ADGRB3: variants seen among roughly 807,000 people sequenced by gnomAD.
ADGRB3 encodes adhesion G protein-coupled receptor B3.
A neutral mutation model predicts 193.4 loss-of-function variants in ADGRB3; 37 were observed. The ratio of observed to expected loss-of-function variants is 0.19; its 90% CI spans 0.15 to 0.25. The LOEUF (loss-of-function observed/expected upper bound fraction) is 0.25, where lower values mean the gene tolerates loss of function less well. ADGRB3 is among the 10% of genes least tolerant of loss of function. ADGRB3 has a pLI of 1.00. For synonymous variants in ADGRB3, 690 were observed against 644.2 expected, an observed-to-expected ratio of 1.07 and a Z score of -1.08; for missense variants, 1,637 against 1,852.9, an observed-to-expected ratio of 0.88 and a Z score of 2.14.
At chr6:69,151,426 C>T (rs758591754) in intron 17 of ADGRB3, among the ~76,000 whole-genome samples, 1 of 152,140 alleles carries the variant, frequency 6.6e-6, no homozygotes, top group Non-Finnish European at 1.5e-5. Flanking sequence ...TCCCCCATCC[C>T]CAAGCATACA....
At chr6:69,230,457 A>T (rs559650764) in intron 17 of ADGRB3, among the ~76,000 whole-genome samples, 1 of 152,322 alleles carries the variant, frequency 6.6e-6, no homozygotes, top group East Asian at 1.9e-4. Flanking sequence ...GCCACATATC[A>T]ATTTGCTTTA....
chr6:69,004,813 G>C (rs1582387264), intron 11 of ADGRB3, among the ~76,000 whole-genome samples: 1 of 152,238 alleles, frequency 6.6e-6, no homozygotes, highest in East Asian at 1.9e-4. Context: ...GTTGGGGGGT[G>C]CTGAGATATA....
At chr6:69,317,178 C>T (rs7744063) in intron 20 of ADGRB3, among the ~76,000 whole-genome samples, 67,776 of 151,154 alleles carry the variant, frequency 0.45, 17,267 homozygotes, top group African/African-American at 0.69. Context: ...AAAAATTTAT[C>T]ACTCTCTCTG....
chr6:69,078,834 G>T (rs576362796), intron 17 of ADGRB3, among the ~76,000 whole-genome samples: 8 of 152,106 alleles, frequency 5.3e-5, no homozygotes, highest in African/African-American at 1.4e-4. Flanking sequence ...CACCATAAAA[G>T]AAATACTTTG....
In ADGRB3 at chr6:69,306,031, A is replaced by C. The variant is rs116878589; in HGVS notation, c.2815-18841A>C. Among the ~76,000 whole-genome samples, 19 of 151,656 alleles carry C rather than the reference A, an allele frequency of 1.3e-4. No homozygotes were observed. The East Asian group carries it at 3.7e-3, about 30-fold the overall frequency. On this transcript the variant is annotated intron_variant, in intron 20 of 31. Coordinates refer to ENST00000370598, the MANE Select transcript of ADGRB3 (RefSeq NM_001704.3). ...ATTTAAAGTACATGGAAGGATGTGCATAGATTATATGCAAATACTATGCCA... is the reference window on the plus strand; with the variant it reads ...ATTTAAAGTACATGGAAGGATGTGCCTAGATTATATGCAAATACTATGCCA...
intron 16 of ADGRB3, among the ~76,000 whole-genome samples, chr6:69,069,192 G>C (rs1771998272): frequency 6.6e-6 from 1 of 152,000 alleles, no homozygotes; most frequent in African/African-American, 2.4e-5. Flanking sequence ...AGAACATATT[G>C]GAGAAGAACA....
chr6:69,043,681 T>C (rs1771153428), intron 13 of ADGRB3, among the ~76,000 whole-genome samples: 2 of 152,250 alleles, frequency 1.3e-5, no homozygotes, highest in South Asian at 2.1e-4. Flanking sequence ...TCTCAGCTCT[T>C]GATAGTAACA....
intron 17 of ADGRB3, among the ~76,000 whole-genome samples, chr6:69,211,447 C>A (rs1174556150): frequency 7.9e-5 from 12 of 151,852 alleles, no homozygotes; most frequent in Non-Finnish European, 5.9e-5. Context: ...TGTTTGTTTG[C>A]GTGTGTGTGC....
At chr6:69,155,615 C>T (rs889715554) in intron 17 of ADGRB3, among the ~76,000 whole-genome samples, 2 of 152,144 alleles carry the variant, frequency 1.3e-5, no homozygotes, top group African/African-American at 4.8e-5. Context: ...TTAAGAGCTG[C>T]CATTTATTAC....
chr6:69,312,822 AGAATGTTCCATGTGT>A (rs1333202991), intron 20 of ADGRB3, among the ~76,000 whole-genome samples: 1 of 151,812 alleles, frequency 6.6e-6, no homozygotes, highest in Non-Finnish European at 1.5e-5. Context: ...AATGCATAGC[AGAATGTTCCATGTGT>A]GTTATTCTTT....
chr6:68,731,958 C>G (rs965151480), intron 3 of ADGRB3, among the ~76,000 whole-genome samples: 6 of 151,326 alleles, frequency 4.0e-5, no homozygotes, highest in Admixed American at 2.0e-4. Context: ...GTTGTTTTTT[C>G]TATTATTTTT....
intron 17 of ADGRB3, among the ~76,000 whole-genome samples, chr6:69,103,367 A>G (rs559468206): frequency 2.6e-4 from 40 of 152,328 alleles, no homozygotes; most frequent in African/African-American, 9.1e-4. Flanking sequence ...CATCAAAAAA[A>G]CTATTTTATA....
At chr6:69,030,288 C>T (rs1237847741) in intron 13 of ADGRB3, among the ~76,000 whole-genome samples, 1 of 152,108 alleles carries the variant, frequency 6.6e-6, no homozygotes, top group South Asian at 2.1e-4. Flanking sequence ...GATTATAAAT[C>T]ATTTTACTAT....
At chr6:68,868,940 TGA>T (rs1199014518) in intron 3 of ADGRB3, among the ~76,000 whole-genome samples, 25 of 150,410 alleles carry the variant, frequency 1.7e-4, no homozygotes, top group Admixed American at 9.3e-4. Context: ...TGTGTGTGTG[TGA>T]GTGTGTGTGT....
At chr6:68,777,720 T>C (rs1188493668) in intron 3 of ADGRB3, among the ~76,000 whole-genome samples, 1 of 146,122 alleles carries the variant, frequency 6.8e-6, no homozygotes, top group Non-Finnish European at 1.5e-5. Flanking sequence ...TATGCTAATA[T>C]ATATCTGTGG....
Position 69,004,537 on chromosome 6 carries a change from G to A in ADGRB3, c.1930-9501G>A, listed in dbSNP as rs374537517. Among the ~76,000 whole-genome samples, 33 of 151,302 alleles carry A rather than the reference G, an allele frequency of 2.2e-4. No individual in the cohort carries two copies. The East Asian group carries it at 3.1e-3, about 14-fold the overall frequency. On this transcript the variant is annotated intron_variant, in intron 11 of 31. Transcript: ENST00000370598. Reference sequence around the variant, plus strand: ...CATTAACTAGTCATTTACATTAGGTGTTTCTCCTAATGCTATCCCTCCCCC... The same window carrying A: ...CATTAACTAGTCATTTACATTAGGTATTTCTCCTAATGCTATCCCTCCCCC...
rs1226291921 is a variant in ADGRB3 at position 69,212,678 on chromosome 6, T to C, written c.2481-20612T>C. ...AAATATTTAATTGGCCAGTTATTCCTATCTAAAATCCCATTGCAGACAATG... is the reference window on the plus strand; with the variant it reads ...AAATATTTAATTGGCCAGTTATTCCCATCTAAAATCCCATTGCAGACAATG... On this transcript the variant is annotated intron_variant, in intron 17 of 31. Coordinates refer to ENST00000370598, the MANE Select transcript of ADGRB3 (RefSeq NM_001704.3). 3.3e-5 allele frequency among the ~76,000 whole-genome samples: 5 copies of C among 152,324 alleles called. No homozygotes were observed. In the South Asian group the frequency reaches 1.0e-3, roughly 32 times the overall value.
In ADGRB3 at chr6:69,018,445, G is replaced by A; in HGVS notation, c.2053G>A (p.Val685Ile). 1 of 1,609,580 alleles carries A rather than the reference G, an allele frequency of 6.2e-7. No homozygotes were observed. Among genetic ancestry groups the A allele is most frequent in the African/African-American group, 1.3e-5 (1 of 74,842 alleles). ...MQVIEDFIHI[V>I]GMGMMDFQNS... is the part of the protein sequence containing the mutation. The stretch of plus-strand genomic sequence containing the variant: ...GGTGATTGAAGATTTTATACACATT[G>A]TTGGAATGGGGATGATGGACTTTCA... Residue 685 changes from valine to isoleucine, a missense_variant, in exon 13 of 32, where the codon GTT becomes ATT. Physicochemically the swap from Val to Ile is conservative, Grantham distance 29 (BLOSUM62 3). Around this residue, in one of 7 missense-constraint regions of ADGRB3, gnomAD observed 641 missense variants for 673.9 expected, o/e 0.95. Coordinates refer to ENST00000370598, the MANE Select transcript of ADGRB3 (RefSeq NM_001704.3).
intron 20 of ADGRB3, among the ~76,000 whole-genome samples, chr6:69,292,553 TC>T (rs1767711361): frequency 6.6e-6 from 1 of 152,070 alleles, no homozygotes; most frequent in Admixed American, 6.6e-5. Context: ...TTCCTTCCAC[TC>T]CCCACCCCTT....
Sources: allele counts gnomAD v4.1 joint callset (sites outside exome capture counted in the v4.1 genomes callset), GRCh38; gene constraint gnomAD v4.1.1; regional missense constraint gnomAD v4.1.1; transcripts MANE v1.5; gene names NCBI Gene and HGNC (gene_info 2026-07-23, HGNC 2026-07-21).